PPP2R2C: variants seen among roughly 807,000 people sequenced by gnomAD.
PPP2R2C encodes protein phosphatase 2 regulatory subunit Bgamma.
Under a neutral mutation model 45.3 loss-of-function variants are expected in PPP2R2C, and 10 were observed. That is an observed-to-expected ratio of 0.22 (90% CI 0.14 to 0.37). PPP2R2C has a LOEUF of 0.37. PPP2R2C is among the 10% of genes least tolerant of loss of function. The pLI is 1.00. For synonymous variants in PPP2R2C, 257 were observed against 245.4 expected, an observed-to-expected ratio of 1.05 and a Z score of -0.44; for missense variants, 308 against 619.7, an observed-to-expected ratio of 0.50 and a Z score of 5.34.
At chr4:6,358,351 A>G (rs1283001826) in intron 5 of PPP2R2C, among the ~76,000 whole-genome samples, 2 of 152,216 alleles carry the variant, frequency 1.3e-5, no homozygotes, top group Non-Finnish European at 2.9e-5. Flanking sequence ...TGGAGTAAAG[A>G]CTTAAATGTT....
At chr4:6,562,981 C>T (rs1407591862) in intron 1 of PPP2R2C, among the ~76,000 whole-genome samples, 3 of 143,332 alleles carry the variant, frequency 2.1e-5, no homozygotes, top group South Asian at 2.3e-4. Flanking sequence ...AAAAAAAAGG[C>T]TTCTCCAAAC....
chr4:6,477,961 C>T (rs1722220683), intron 2 of PPP2R2C, among the ~76,000 whole-genome samples: 1 of 152,058 alleles, frequency 6.6e-6, no homozygotes, highest in South Asian at 2.1e-4. Flanking sequence ...CCGTGTTCCC[C>T]TTCCTGGTTC....
intron 6 of PPP2R2C, 57 bp downstream of exon 6, chr4:6,347,789 T>G: frequency 5.8e-6 from 6 of 1,033,600 alleles, no homozygotes; most frequent in African/African-American, 1.6e-5. Context: ...GGACAGGACA[T>G]CCCACCCGCC....
intron 1 of PPP2R2C, chr4:6,414,109 T>A: frequency 7.6e-7 from 1 of 1,315,186 alleles, no homozygotes; most frequent in South Asian, 1.6e-5. Flanking sequence ...TGTGTGTGTG[T>A]GTGTGTGTGT....
At chr4:6,556,190 GTGTC>G (rs1428190742) in intron 1 of PPP2R2C, among the ~76,000 whole-genome samples, 1 of 152,204 alleles carries the variant, frequency 6.6e-6, no homozygotes, top group Non-Finnish European at 1.5e-5. Context: ...ATTTCCAGGT[GTGTC>G]TGTGAGGGTG....
At chr4:6,387,112 C>G (rs1008121899) in intron 1 of PPP2R2C, among the ~76,000 whole-genome samples, 3 of 151,888 alleles carry the variant, frequency 2.0e-5, no homozygotes, top group African/African-American at 7.3e-5. Context: ...TGTTGCATAT[C>G]AAAAGGTTCA....
intron 1 of PPP2R2C, among the ~76,000 whole-genome samples, chr4:6,430,206 G>C (rs544802673): frequency 7.9e-5 from 12 of 152,284 alleles, no homozygotes; most frequent in Middle Eastern, 3.4e-3. Flanking sequence ...GTCCTTGATG[G>C]GATGGTGCTC....
intron 1 of PPP2R2C, among the ~76,000 whole-genome samples, chr4:6,417,936 G>C (rs1033008030): frequency 6.6e-6 from 1 of 152,052 alleles, no homozygotes; most frequent in Non-Finnish European, 1.5e-5. Flanking sequence ...ACTCCCCTTA[G>C]CTCTGGCAGA....
At chr4:6,487,043 T>C (rs1722551976) in intron 2 of PPP2R2C, among the ~76,000 whole-genome samples, 1 of 152,116 alleles carries the variant, frequency 6.6e-6, no homozygotes, top group Non-Finnish European at 1.5e-5. Context: ...GTTTACAGTA[T>C]ACATCTTTAA....
rs542266778 is a variant in PPP2R2C at position 6,345,204 on chromosome 4, C to T, written c.790+2642G>A. On this transcript the variant is annotated intron_variant, in intron 6 of 8. Coordinates refer to ENST00000382599, the MANE Select transcript of PPP2R2C (RefSeq NM_020416.4). This position sits in a 1 kb window ranked among gnomAD's most constrained non-coding sequence, Gnocchi z 5.3. The stretch of plus-strand genomic sequence containing the variant: ...AGCAGCGGACCAGGAGCAGGAAGAA[C>T]CCCCTCTCTTCCCCAATATTCTCCC... Among the ~76,000 whole-genome samples, 1 of 152,308 alleles carries T rather than the reference C, an allele frequency of 6.6e-6. No individual in the cohort carries two copies. The highest frequency in any genetic ancestry group is 6.5e-5 in the Admixed American group (1 of 15,300).
chr4:6,453,578 C>T (rs942119873), intron 1 of PPP2R2C, among the ~76,000 whole-genome samples: 4 of 152,070 alleles, frequency 2.6e-5, no homozygotes, highest in Admixed American at 6.5e-5. Context: ...ATGGTCCCCC[C>T]GCACCAGTGC....
Position 6,378,357 on chromosome 4 carries a change from G to T in PPP2R2C, c.334+50C>A, listed in dbSNP as rs1468696575. On this transcript the variant is annotated intron_variant, in intron 3 of 8. Coordinates refer to ENST00000382599, the MANE Select transcript of PPP2R2C (RefSeq NM_020416.4). This position sits in a 1 kb window ranked among gnomAD's most constrained non-coding sequence, Gnocchi z 5.2. ...GTGAAATACAAACCAGCATTTGGTA[G>T]AAACATCTACGGCCTGTGCCCATGC... The T allele has an allele frequency of 6.2e-7, 1 of 1,610,638 alleles. No individual in the cohort carries two copies. The highest frequency in any genetic ancestry group is 1.1e-5 in the South Asian group (1 of 90,618).
intron 8 of PPP2R2C, among the ~76,000 whole-genome samples, chr4:6,326,802 C>T (rs995315282): frequency 6.6e-6 from 1 of 152,214 alleles, no homozygotes; most frequent in Non-Finnish European, 1.5e-5. Flanking sequence ...TGCGTTCTGC[C>T]GGTGCTAGGA....
intron 6 of PPP2R2C, among the ~76,000 whole-genome samples, chr4:6,342,117 C>T (rs1469080951): frequency 2.2e-5 from 3 of 139,412 alleles, no homozygotes; most frequent in Admixed American, 1.4e-4. Flanking sequence ...CACACACACA[C>T]ACACACACAC....
At chr4:6,427,747 G>T (rs1299981031) in intron 1 of PPP2R2C, among the ~76,000 whole-genome samples, 1 of 152,226 alleles carries the variant, frequency 6.6e-6, no homozygotes, top group Non-Finnish European at 1.5e-5. Context: ...TTGGCTTTAG[G>T]AAGCTTTTAG....
In PPP2R2C at chr4:6,328,719, G is replaced by A. The variant is rs1367078786; in HGVS notation, c.1052+543C>T. On this transcript the variant is annotated intron_variant, in intron 8 of 8. Coordinates refer to ENST00000382599, the MANE Select transcript of PPP2R2C (RefSeq NM_020416.4). This position sits in a 1 kb window ranked among gnomAD's most constrained non-coding sequence, Gnocchi z 4.4. ...AGGCAGGTGGGGTTGAGAGACGGCT[G>A]GACTTGTGGATTGTGACAAGCCCTG... Among the ~76,000 whole-genome samples, 1 of 152,200 alleles carries A rather than the reference G, an allele frequency of 6.6e-6. No individual in the cohort carries two copies. The highest frequency in any genetic ancestry group is 1.5e-5 in the Non-Finnish European group (1 of 68,032).
intron 1 of PPP2R2C, chr4:6,384,976 C>T: frequency 7.7e-6 from 4 of 520,060 alleles, no homozygotes; most frequent in Non-Finnish European, 9.9e-6. Context: ...TGGAGCCTTC[C>T]CAGGATTAGA....
intron 6 of PPP2R2C, among the ~76,000 whole-genome samples, chr4:6,341,129 G>A (rs867596138): frequency 5.9e-5 from 9 of 152,220 alleles, no homozygotes; most frequent in African/African-American, 1.4e-4. Flanking sequence ...ATCACCTGAC[G>A]TCAGGAGTTT....
chr4:6,440,461 G>A (rs1442855611), intron 1 of PPP2R2C, among the ~76,000 whole-genome samples: 4 of 152,162 alleles, frequency 2.6e-5, no homozygotes, highest in African/African-American at 7.2e-5. Context: ...GGGGCTCTTA[G>A]CAACCTCTAA....
Sources: gnomAD v4.1 joint callset for allele counts (sites outside exome capture counted in the v4.1 genomes callset) on GRCh38, gnomAD v4.1.1 for gene constraint, Gnocchi (gnomAD v3.1) non-coding constraint, MANE v1.5 for transcripts, NCBI Gene and HGNC (gene_info 2026-07-23, HGNC 2026-07-21) for gene names.